The following CLSTN2 variants were observed in gnomAD, a reference collection of about 807,000 sequenced individuals.
The protein encoded by CLSTN2 is calsyntenin-2.
CLSTN2 carries 48 observed loss-of-function variants against 101.2 expected under a neutral mutation model. That is an observed-to-expected ratio of 0.47 (90% confidence interval 0.38 to 0.60). The LOEUF is 0.60. Among genes scored for constraint, CLSTN2 ranks in the 20% least tolerant of loss-of-function variants. CLSTN2 has a pLI of 0.00. For synonymous variants in CLSTN2, 481 were observed against 463.6 expected, an observed-to-expected ratio of 1.04 and a Z score of -0.48; for missense variants, 1,160 against 1,238.2, an observed-to-expected ratio of 0.94 and a Z score of 0.95.
At chr3:140,157,591 G>A (rs1212549498) in intron 1 of CLSTN2, among the ~76,000 whole-genome samples, 1 of 152,092 alleles carries the variant, frequency 6.6e-6, no homozygotes. Context: ...AATGTCATCT[G>A]TCATTTCTGA....
At chr3:140,199,571 G>A (rs140928796) in intron 2 of CLSTN2, among the ~76,000 whole-genome samples, 340 of 152,270 alleles carry the variant, frequency 2.2e-3, no homozygotes, top group African/African-American at 7.3e-3. Context: ...ACTAGGAGCC[G>A]CCCAGGCCCC....
At chr3:140,153,212 C>A (rs1396885234) in intron 1 of CLSTN2, among the ~76,000 whole-genome samples, 3 of 152,220 alleles carry the variant, frequency 2.0e-5, no homozygotes, top group African/African-American at 7.2e-5. Context: ...CTTGTGTAGC[C>A]AGGGGCTGCT....
At chr3:140,485,040 T>A (rs1306564661) in intron 8 of CLSTN2, among the ~76,000 whole-genome samples, 1 of 152,178 alleles carries the variant, frequency 6.6e-6, no homozygotes, top group Non-Finnish European at 1.5e-5. Context: ...GGCACTCTGA[T>A]TTTTAGAGTT....
intron 1 of CLSTN2, among the ~76,000 whole-genome samples, chr3:140,081,313 G>C (rs1023666524): frequency 6.6e-6 from 1 of 152,218 alleles, no homozygotes; most frequent in African/African-American, 2.4e-5. Flanking sequence ...GCAATGGAAA[G>C]TTTAATTTCT....
intron 1 of CLSTN2, among the ~76,000 whole-genome samples, chr3:140,153,268 G>A (rs1014113045): frequency 2.0e-5 from 3 of 152,222 alleles, no homozygotes; most frequent in Non-Finnish European, 2.9e-5. Context: ...CGTTGGCACT[G>A]GTAATATAAG....
intron 5 of CLSTN2, among the ~76,000 whole-genome samples, chr3:140,429,447 G>T (rs747215755): frequency 2.0e-4 from 30 of 152,248 alleles, no homozygotes; most frequent in Non-Finnish European, 3.8e-4. Flanking sequence ...CAGAGAGGAG[G>T]GGGTATTCCA....
chr3:140,243,158 C>T (rs550061397), intron 2 of CLSTN2, among the ~76,000 whole-genome samples: 6 of 152,332 alleles, frequency 3.9e-5, no homozygotes, highest in South Asian at 2.1e-4. Flanking sequence ...CACCCTCTCC[C>T]GTCATGGCAG....
At chr3:140,080,975 T>G (rs553155239) in intron 1 of CLSTN2, among the ~76,000 whole-genome samples, 1 of 152,216 alleles carries the variant, frequency 6.6e-6, no homozygotes, top group African/African-American at 2.4e-5. Context: ...AAAGTGGAGA[T>G]AGGGATGAGC....
chr3:139,964,226 A>C (rs1436853623), intron 1 of CLSTN2, among the ~76,000 whole-genome samples: 1 of 151,992 alleles, frequency 6.6e-6, no homozygotes, highest in Non-Finnish European at 1.5e-5. Context: ...CCCTCAGCTC[A>C]CCCCAGGGTT....
intron 8 of CLSTN2, among the ~76,000 whole-genome samples, chr3:140,480,051 G>A (rs963942603): frequency 2.6e-5 from 4 of 151,860 alleles, no homozygotes; most frequent in South Asian, 2.1e-4. Flanking sequence ...TGCTGCACCC[G>A]TTAACTCGTC....
At chr3:140,028,958 TG>T (rs2007489348) in intron 1 of CLSTN2, among the ~76,000 whole-genome samples, 1 of 152,150 alleles carries the variant, frequency 6.6e-6, no homozygotes, top group African/African-American at 2.4e-5. Context: ...AGAAAAAGGC[TG>T]GATGACTCCT....
At chr3:140,459,433 C>G (rs907582326) in intron 6 of CLSTN2, 88 bp from the exon 7 acceptor site, 5 of 1,470,274 alleles carry the variant, frequency 3.4e-6, no homozygotes, top group Non-Finnish European at 4.7e-6. Context: ...AGTAAGTACA[C>G]TGAGTAGTTC....
chr3:140,069,127 A>G (rs1298667772), intron 1 of CLSTN2, among the ~76,000 whole-genome samples: 4 of 152,198 alleles, frequency 2.6e-5, no homozygotes, highest in Non-Finnish European at 4.4e-5. Flanking sequence ...ATTAAATTTA[A>G]GTCTTGCCTG....
chr3:140,149,370 G>T (rs2009827774), intron 1 of CLSTN2, among the ~76,000 whole-genome samples: 1 of 152,206 alleles, frequency 6.6e-6, no homozygotes, highest in African/African-American at 2.4e-5. Flanking sequence ...AAATCACCTT[G>T]TAGATAGAGA....
chr3:140,059,521 C>A (rs1488232895), intron 1 of CLSTN2, among the ~76,000 whole-genome samples: 1 of 152,150 alleles, frequency 6.6e-6, no homozygotes, highest in African/African-American at 2.4e-5. Flanking sequence ...GGGGGGCCAT[C>A]AGACCCTGCT....
chr3:140,044,789 A>G (rs2107765403), intron 1 of CLSTN2, among the ~76,000 whole-genome samples: 1 of 152,284 alleles, frequency 6.6e-6, no homozygotes. Context: ...TGAGATAATC[A>G]TGTGGTTTTT....
chr3:140,106,694 C>T (rs2009064755), intron 1 of CLSTN2, among the ~76,000 whole-genome samples: 4 of 152,148 alleles, frequency 2.6e-5, no homozygotes, highest in Admixed American at 1.3e-4. Context: ...TATTCAAGGA[C>T]CCTGTTATTT....
At chr3:140,278,018 T>C (rs1022726722) in intron 2 of CLSTN2, among the ~76,000 whole-genome samples, 12 of 152,180 alleles carry the variant, frequency 7.9e-5, no homozygotes, top group Non-Finnish European at 1.8e-4. Context: ...AGACCGGCTG[T>C]CAGTCAGAGG....
At chr3:139,950,261 T>C (rs911052845) in intron 1 of CLSTN2, among the ~76,000 whole-genome samples, 10 of 152,188 alleles carry the variant, frequency 6.6e-5, no homozygotes, top group Non-Finnish European at 1.2e-4. Flanking sequence ...ACCATCTTCC[T>C]CAACCAAACC....
Sources: allele counts gnomAD v4.1 joint callset (sites outside exome capture counted in the v4.1 genomes callset), GRCh38; gene constraint gnomAD v4.1.1; transcripts MANE v1.5; gene names NCBI Gene and HGNC (gene_info 2026-07-23, HGNC 2026-07-21).